The following CNTNAP2 variants were observed in gnomAD, a reference collection of about 807,000 sequenced individuals.
CNTNAP2 encodes contactin-associated protein-like 2.
In CNTNAP2, 98 loss-of-function variants were observed where a neutral mutation model predicts 155.2. The ratio of observed to expected loss-of-function variants is 0.63; its 90% CI spans 0.54 to 0.75. The LOEUF (loss-of-function observed/expected upper bound fraction) is 0.75, where lower values mean the gene tolerates loss of function less well. Among genes scored for constraint, CNTNAP2 ranks in the 30% least tolerant of loss-of-function variants. The probability of loss-of-function intolerance (pLI) is 0.00; values close to 1 mark genes in which losing one functional copy is unlikely to be tolerated. For missense variants in CNTNAP2, 1,727 were observed against 1,688.1 expected (o/e 1.02, Z -0.40); for synonymous variants, 651 against 631.2 (o/e 1.03, Z -0.47).
chr7:146,158,907 C>T (rs1798172205), intron 1 of CNTNAP2, among the ~76,000 whole-genome samples: 1 of 152,132 alleles, frequency 6.6e-6, no homozygotes, highest in Non-Finnish European at 1.5e-5. Flanking sequence ...AAAGATACTC[C>T]TCAAGAAGAG....
At chr7:147,052,926 G>A (rs1031286693) in intron 4 of CNTNAP2, among the ~76,000 whole-genome samples, 1 of 152,010 alleles carries the variant, frequency 6.6e-6, no homozygotes, top group South Asian at 2.1e-4. Flanking sequence ...TGTAACCAGA[G>A]ATGTTCTTGC....
At chr7:147,121,239 TA>T in intron 6 of CNTNAP2, 76 bp downstream of exon 6, 1 of 1,391,116 alleles carries the variant, frequency 7.2e-7, no homozygotes, top group South Asian at 1.2e-5. Flanking sequence ...GTATTATTGT[TA>T]ATTATATTAC....
At chr7:148,196,367 A>C (rs1795278197) in intron 18 of CNTNAP2, among the ~76,000 whole-genome samples, 1 of 152,222 alleles carries the variant, frequency 6.6e-6, no homozygotes, top group Non-Finnish European at 1.5e-5. Flanking sequence ...CAGGGATAGA[A>C]GAGTTCGCTG....
chr7:146,781,348 TA>T (rs71165039), intron 2 of CNTNAP2, among the ~76,000 whole-genome samples: 30,466 of 147,298 alleles, frequency 0.21, 4,345 homozygotes, highest in African/African-American at 0.41. Context: ...TTCCAGAACT[TA>T]AAAAAAAAAA....
At chr7:146,721,299 A>T (rs1229756807) in intron 1 of CNTNAP2, among the ~76,000 whole-genome samples, 1 of 123,864 alleles carries the variant, frequency 8.1e-6, no homozygotes, top group Non-Finnish European at 1.6e-5. Context: ...TATATTCTAT[A>T]TATGTATTCT....
At chr7:146,822,137 C>T (rs1001636426) in intron 2 of CNTNAP2, among the ~76,000 whole-genome samples, 3 of 152,158 alleles carry the variant, frequency 2.0e-5, no homozygotes, top group Non-Finnish European at 4.4e-5. Flanking sequence ...GAATACTATG[C>T]AGCCATAAAA....
chr7:147,802,044 T>C (rs1798003595), intron 13 of CNTNAP2, among the ~76,000 whole-genome samples: 1 of 146,726 alleles, frequency 6.8e-6, no homozygotes, highest in Non-Finnish European at 1.5e-5. Context: ...GCGGAGGGGC[T>C]CCTCACTTCT....
At chr7:147,166,906 G>C (rs1802124586) in intron 8 of CNTNAP2, among the ~76,000 whole-genome samples, 1 of 152,102 alleles carries the variant, frequency 6.6e-6, no homozygotes, top group East Asian at 1.9e-4. Flanking sequence ...TGGGCTCAGA[G>C]GCCTGACATT....
At chr7:148,273,780 T>C (rs1796824288) in intron 21 of CNTNAP2, among the ~76,000 whole-genome samples, 1 of 152,226 alleles carries the variant, frequency 6.6e-6, no homozygotes, top group Non-Finnish European at 1.5e-5. Context: ...TCTCAGATCC[T>C]CATATTTCCC....
In CNTNAP2 at chr7:147,198,999, T is replaced by C. The variant is rs1426418128; in HGVS notation, c.1348+66490T>C. Among the ~76,000 whole-genome samples the C allele has an allele frequency of 6.8e-5, 10 of 147,804 alleles. No homozygotes were observed. The Admixed American group carries it at 6.8e-4, about 10-fold the overall frequency. Reference sequence around the variant, plus strand: ...TTTTTTGAGACAGAATGATGCTCTGTCACCCAGGCTGGAGTGCAATGGCGT... The same window carrying C: ...TTTTTTGAGACAGAATGATGCTCTGCCACCCAGGCTGGAGTGCAATGGCGT... On this transcript the variant is annotated intron_variant, in intron 8 of 23. Transcript: ENST00000361727.
chr7:147,626,821 G>T (rs1428641099), intron 12 of CNTNAP2, among the ~76,000 whole-genome samples: 1 of 152,098 alleles, frequency 6.6e-6, no homozygotes, highest in Non-Finnish European at 1.5e-5. Context: ...GTTCCTGAGC[G>T]TGTCCCTGTG....
At chr7:147,725,747 AGTT>A (rs1796630192) in intron 13 of CNTNAP2, among the ~76,000 whole-genome samples, 1 of 152,114 alleles carries the variant, frequency 6.6e-6, no homozygotes, top group South Asian at 2.1e-4. Flanking sequence ...AGTAGCCTAA[AGTT>A]GTGAACCCAA....
chr7:147,251,415 G>A (rs1262680791), intron 8 of CNTNAP2, among the ~76,000 whole-genome samples: 5 of 152,120 alleles, frequency 3.3e-5, no homozygotes, highest in African/African-American at 1.2e-4. Context: ...CTTTGTTGTG[G>A]AATGTTTAGT....
At chr7:147,472,989 G>C (rs1053347512) in intron 10 of CNTNAP2, among the ~76,000 whole-genome samples, 28 of 152,240 alleles carry the variant, frequency 1.8e-4, no homozygotes, top group African/African-American at 6.5e-4. Flanking sequence ...TAAGGGCTGA[G>C]CCCTAAGGAT....
At chr7:146,540,503 G>A (rs1490595878) in intron 1 of CNTNAP2, among the ~76,000 whole-genome samples, 1 of 152,042 alleles carries the variant, frequency 6.6e-6, no homozygotes, top group African/African-American at 2.4e-5. Context: ...TTCTTCAGAA[G>A]ATCCAATAAA....
At chr7:147,665,112 T>A (rs1425508804) in intron 13 of CNTNAP2, among the ~76,000 whole-genome samples, 1 of 152,178 alleles carries the variant, frequency 6.6e-6, no homozygotes, top group Non-Finnish European at 1.5e-5. Flanking sequence ...TGTGCCCCAA[T>A]GAACCCCTTA....
At chr7:147,562,903 A>G (rs899128155) in intron 12 of CNTNAP2, among the ~76,000 whole-genome samples, 4 of 152,200 alleles carry the variant, frequency 2.6e-5, no homozygotes, top group Non-Finnish European at 5.9e-5. Flanking sequence ...TTACGCTTCA[A>G]AAATCCAGAG....
intron 9 of CNTNAP2, among the ~76,000 whole-genome samples, chr7:147,339,580 C>A (rs1353367827): frequency 1.3e-5 from 2 of 151,920 alleles, no homozygotes; most frequent in African/African-American, 4.8e-5. Context: ...CAGCACTAAA[C>A]AAACTAAGAC....
intron 15 of CNTNAP2, among the ~76,000 whole-genome samples, chr7:148,063,433 T>G (rs1360926308): frequency 6.6e-6 from 1 of 151,988 alleles, no homozygotes; most frequent in Non-Finnish European, 1.5e-5. Context: ...TCATTGGTGC[T>G]CTTTCCTTTT....
Sources: gnomAD v4.1 joint callset for allele counts (sites outside exome capture counted in the v4.1 genomes callset) on GRCh38, gnomAD v4.1.1 for gene constraint, MANE v1.5 for transcripts, NCBI Gene and HGNC (gene_info 2026-07-23, HGNC 2026-07-21) for gene names.